The following CCDC63 variants were observed in gnomAD, a reference collection of about 807,000 sequenced individuals.
CCDC63 encodes the protein coiled-coil domain containing 63.
Under a neutral mutation model 63.6 loss-of-function variants are expected in CCDC63, and 54 were observed. The observed-to-expected ratio is 0.85, with a 90% CI of 0.68 to 1.07. CCDC63 has a LOEUF of 1.07. Among genes scored for constraint, CCDC63 ranks in the 50% least tolerant of loss-of-function variants. The pLI, the probability that CCDC63 is intolerant of heterozygous loss-of-function variation, is 0.00. For synonymous variants in CCDC63, 253 were observed against 266.1 expected (o/e 0.95, Z 0.48); for missense variants, 637 against 689.6 (o/e 0.92, Z 0.86).
chr12:110,876,777 T>C (rs1024132349), intron 5 of CCDC63, among the ~76,000 whole-genome samples: 5 of 151,474 alleles, frequency 3.3e-5, no homozygotes, highest in Non-Finnish European at 5.9e-5. Context: ...CTCACATCTA[T>C]AATCCAAGCA....
At chr12:110,892,106 C>A (rs750501635) in intron 8 of CCDC63, among the ~76,000 whole-genome samples, 21 of 152,246 alleles carry the variant, frequency 1.4e-4, no homozygotes, top group Middle Eastern at 3.4e-3. Flanking sequence ...GGCATGGGTT[C>A]TGGCATTCTG....
intron 8 of CCDC63, among the ~76,000 whole-genome samples, chr12:110,886,820 A>G (rs1162545315): frequency 6.6e-6 from 1 of 151,958 alleles, no homozygotes; most frequent in African/African-American, 2.4e-5. Context: ...CCCTCATGCC[A>G]CTCTCTGTCC....
At chr12:110,848,939 G>A (rs940334379) in intron 1 of CCDC63, among the ~76,000 whole-genome samples, 2 of 152,216 alleles carry the variant, frequency 1.3e-5, no homozygotes, top group Non-Finnish European at 2.9e-5. Context: ...AGAGCATCCT[G>A]TGCCCAAACC....
chr12:110,890,309 A>G (rs1350538337), intron 8 of CCDC63, among the ~76,000 whole-genome samples: 1 of 152,118 alleles, frequency 6.6e-6, no homozygotes, highest in Non-Finnish European at 1.5e-5. Context: ...TCTCAAAAAA[A>G]AAAAAATTTA....
At chr12:110,888,786 TTTCC>T (rs539750683) in intron 8 of CCDC63, among the ~76,000 whole-genome samples, 10,221 of 85,210 alleles carry the variant, frequency 0.12, 610 homozygotes, top group East Asian at 0.15. Flanking sequence ...TTGGTCCTTC[TTTCC>T]TTCCTTCCTT....
chr12:110,900,422 G>A (rs957201718), intron 10 of CCDC63, among the ~76,000 whole-genome samples: 14 of 152,116 alleles, frequency 9.2e-5, no homozygotes, highest in Non-Finnish European at 2.9e-5. Flanking sequence ...ACACAAATTA[G>A]AAAGGAAGGA....
chr12:110,847,972 G>A (rs934524783), intron 1 of CCDC63, among the ~76,000 whole-genome samples: 2 of 152,248 alleles, frequency 1.3e-5, no homozygotes, highest in African/African-American at 4.8e-5. Context: ...TGGATGCTGT[G>A]GTGAATAGAC....
chr12:110,863,152 G>GCCCAGCTATTT (rs1274049576), intron 4 of CCDC63, among the ~76,000 whole-genome samples: 1 of 152,140 alleles, frequency 6.6e-6, no homozygotes, highest in African/African-American at 2.4e-5. Flanking sequence ...TTGCACTGGG[G>GCCCAGCTATTT]GCGCTGCCTG....
intron 4 of CCDC63, among the ~76,000 whole-genome samples, chr12:110,867,390 G>C (rs1291709247): frequency 3.2e-5 from 4 of 123,286 alleles, no homozygotes; most frequent in Non-Finnish European, 5.2e-5. Flanking sequence ...GCGGCTGGCC[G>C]GGCGGGGGGC....
Position 110,904,570 on chromosome 12 carries a change from C to T in CCDC63, c.1343-18C>T. On this transcript the variant is annotated intron_variant, in intron 10 of 11. Coordinates refer to ENST00000308208, the MANE Select transcript of CCDC63 (RefSeq NM_152591.3). ...AGGTCTCTCGGCAGCCATCTTGGTCCTGCTTCTTGTTCTCCAGCCATCATT... is the reference window on the plus strand; with the variant it reads ...AGGTCTCTCGGCAGCCATCTTGGTCTTGCTTCTTGTTCTCCAGCCATCATT... 1.9e-6 allele frequency: 3 copies of T among 1,613,444 alleles called. No homozygotes were observed. The highest frequency in any genetic ancestry group is 2.5e-6 in the Non-Finnish European group (3 of 1,179,478).
intron 8 of CCDC63, among the ~76,000 whole-genome samples, chr12:110,887,566 G>T (rs991986405): frequency 2.0e-5 from 3 of 152,138 alleles, no homozygotes; most frequent in Non-Finnish European, 4.4e-5. Context: ...ATGGGAGGGG[G>T]CTGGGACCCT....
chr12:110,898,565 C>T (rs1213945534), intron 9 of CCDC63, among the ~76,000 whole-genome samples: 2 of 148,800 alleles, frequency 1.3e-5, no homozygotes, highest in Non-Finnish European at 3.0e-5. Flanking sequence ...TTGCAGTGAG[C>T]TGAGATCATG....
At chr12:110,853,302 C>T in intron 2 of CCDC63, 103 bp from the exon 3 acceptor site, 2 of 1,185,272 alleles carry the variant, frequency 1.7e-6, no homozygotes, top group Admixed American at 2.5e-5. Flanking sequence ...CACTTCTAGC[C>T]ATGGCCCAGC....
chr12:110,849,498 C>CTTTTTT (rs56059098), intron 1 of CCDC63, among the ~76,000 whole-genome samples: 1 of 126,298 alleles, frequency 7.9e-6, no homozygotes, highest in African/African-American at 2.9e-5. Context: ...CTCTTATTTC[C>CTTTTTT]TTTTTTTTTT....
chr12:110,850,963 T>G (rs2070698374), intron 1 of CCDC63, among the ~76,000 whole-genome samples: 1 of 152,186 alleles, frequency 6.6e-6, no homozygotes, highest in Non-Finnish European at 1.5e-5. Flanking sequence ...GAACTCCTAT[T>G]CATTCCTCAA....
At chr12:110,883,859 C>T (rs956086048) in intron 7 of CCDC63, among the ~76,000 whole-genome samples, 171 bp from the exon 8 acceptor site, 4 of 152,088 alleles carry the variant, frequency 2.6e-5, no homozygotes, top group Non-Finnish European at 4.4e-5. Context: ...AGGCTGGTCT[C>T]GAACTCCTGA....
At chr12:110,857,276 C>A (rs1392754769) in intron 3 of CCDC63, among the ~76,000 whole-genome samples, 2 of 151,320 alleles carry the variant, frequency 1.3e-5, no homozygotes, top group Non-Finnish European at 2.9e-5. Context: ...CAGGCGCCCA[C>A]CACCCCCCCC....
chr12:110,900,135 C>T (rs2071468939), intron 10 of CCDC63, among the ~76,000 whole-genome samples: 1 of 152,072 alleles, frequency 6.6e-6, no homozygotes, highest in Admixed American at 6.6e-5. Context: ...ATTGCTTGAA[C>T]CTGAGAAGTG....
intron 4 of CCDC63, among the ~76,000 whole-genome samples, chr12:110,866,924 C>T (rs1248346308): frequency 7.0e-5 from 10 of 143,136 alleles, no homozygotes; most frequent in East Asian, 4.2e-4. Flanking sequence ...ACCTCCGGGA[C>T]GGGGCGGCTG....
Sources: allele counts gnomAD v4.1 joint callset (sites outside exome capture counted in the v4.1 genomes callset), GRCh38; gene constraint gnomAD v4.1.1; transcripts MANE v1.5; gene names NCBI Gene and HGNC (gene_info 2026-07-23, HGNC 2026-07-21).